The following P2RX5 variants were observed in gnomAD, a reference collection of about 807,000 sequenced individuals.
P2RX5 encodes P2X purinoceptor 5.
A neutral mutation model predicts 54.1 loss-of-function variants in P2RX5; 46 were observed. The observed-to-expected ratio is 0.85, with a 90% CI of 0.67 to 1.09. The LOEUF (loss-of-function observed/expected upper bound fraction) is 1.09, where lower values mean the gene tolerates loss of function less well. Ranked by LOEUF, P2RX5 falls within the 50% of genes least tolerant of loss-of-function variation. The pLI, the probability that P2RX5 is intolerant of heterozygous loss-of-function variation, is 0.00. For missense variants in P2RX5, 566 were observed against 549.8 expected, an observed-to-expected ratio of 1.03 and a Z score of -0.29; for synonymous variants, 226 against 226.4, an observed-to-expected ratio of 1.00 and a Z score of 0.02.
the P2RX5 span, chr17:3,714,688 A>G: frequency 6.0e-6 from 3 of 503,578 alleles, no homozygotes; most frequent in African/African-American, 5.9e-5. Context: ...TTTTTGCACA[A>G]TGCACAGACA....
chr17:3,681,113 C>T (rs1442650267), intron 10 of P2RX5, among the ~76,000 whole-genome samples: 2 of 152,064 alleles, frequency 1.3e-5, no homozygotes, highest in Non-Finnish European at 2.9e-5. Flanking sequence ...CCTTCAGCAG[C>T]ACAGTCAGGA....
the P2RX5 span, among the ~76,000 whole-genome samples, chr17:3,704,446 C>T: frequency 0.033 from 5,048 of 152,276 alleles, 123 homozygotes; most frequent in Non-Finnish European, 0.045. Flanking sequence ...CCTTCCATGA[C>T]GGACATATCC....
At chr17:3,682,200 G>C in intron 9 of P2RX5, 3 of 587,658 alleles carry the variant, frequency 5.1e-6, no homozygotes, top group Non-Finnish European at 3.1e-6. Context: ...CGATCCCACA[G>C]GCCAGGCACT....
the P2RX5 span, among the ~76,000 whole-genome samples, chr17:3,706,747 G>A: frequency 6.6e-6 from 1 of 152,192 alleles, no homozygotes; most frequent in African/African-American, 2.4e-5. Flanking sequence ...AAGTAGCTGG[G>A]ACTACAGGTG....
chr17:3,699,947 A>G (rs2050807216), upstream of P2RX5, among the ~76,000 whole-genome samples: 1 of 134,982 alleles, frequency 7.4e-6, no homozygotes, highest in Non-Finnish European at 1.7e-5. Flanking sequence ...AGAAAGAAAG[A>G]AAGAAAGAAA....
At chr17:3,682,201 G>A (rs916219177) in intron 9 of P2RX5, 2 of 586,140 alleles carry the variant, frequency 3.4e-6, no homozygotes, top group African/African-American at 1.9e-5. Context: ...GATCCCACAG[G>A]CCAGGCACTC....
chr17:3,684,716 A>G (rs1193063684), intron 9 of P2RX5, among the ~76,000 whole-genome samples: 3 of 152,178 alleles, frequency 2.0e-5, no homozygotes, highest in African/African-American at 7.2e-5. Context: ...CCCTCTGTGC[A>G]TTGTGGAATG....
At chr17:3,678,095 A>T (rs2050145331) in intron 11 of P2RX5, 2 of 985,322 alleles carry the variant, frequency 2.0e-6, no homozygotes, top group African/African-American at 1.7e-5. Context: ...CACTGTCTGC[A>T]GCTGCTCCAA....
At chr17:3,701,708 A>AAAATT in the P2RX5 span, among the ~76,000 whole-genome samples, 3 of 144,996 alleles carry the variant, frequency 2.1e-5, no homozygotes, top group Non-Finnish European at 4.6e-5. Context: ...AAAAAAAAAA[A>AAAATT]AAAAAAAAAA....
chr17:3,676,353 G>A lies in P2RX5; in HGVS notation c.1260-2476C>T, dbSNP rs1446074324. On this transcript the variant is annotated intron_variant, in intron 11 of 11. Coordinates refer to ENST00000225328, the MANE Select transcript of P2RX5 (RefSeq NM_002561.4). ...TGAGTGAATGTGTAAGAAACCACAC[G>A]AGTTTTCGGCAAAATCAGGGAGCCT... is the stretch of plus-strand genomic sequence containing the variant. 1.0e-5 allele frequency: 10 copies of A among 985,314 alleles called. No homozygotes were observed. In the South Asian group the frequency reaches 1.4e-4, roughly 14 times the overall value. 61.0% of individuals were successfully genotyped at this position (985,314 alleles called of 1,614,324 possible).
At chr17:3,721,437 A>C in the P2RX5 span, among the ~76,000 whole-genome samples, 1 of 150,156 alleles carries the variant, frequency 6.7e-6, no homozygotes, top group Non-Finnish European at 1.5e-5. Flanking sequence ...ATGCGTGGCT[A>C]ATTTATGTAT....
At chr17:3,693,565 G>A (rs545442852) in intron 1 of P2RX5, among the ~76,000 whole-genome samples, 113 of 152,094 alleles carry the variant, frequency 7.4e-4, no homozygotes, top group Non-Finnish European at 8.8e-5. Flanking sequence ...GTGAAACTCC[G>A]TGTCTACTAA....
At chr17:3,681,399 G>A (rs1597702905) in intron 10 of P2RX5, among the ~76,000 whole-genome samples, 1 of 151,822 alleles carries the variant, frequency 6.6e-6, no homozygotes, top group East Asian at 1.9e-4. Flanking sequence ...CACCCACGCT[G>A]TGCTCTGCCG....
chr17:3,711,761 C>A, the P2RX5 span, among the ~76,000 whole-genome samples: 2 of 152,150 alleles, frequency 1.3e-5, no homozygotes, highest in African/African-American at 4.8e-5. Context: ...GTGGCACGAT[C>A]TCGTCTCACT....
At chr17:3,701,779 A>C in the P2RX5 span, among the ~76,000 whole-genome samples, 3 of 141,436 alleles carry the variant, frequency 2.1e-5, no homozygotes. Flanking sequence ...TTTTTAAGAC[A>C]GAGTCTTGCT....
At chr17:3,699,812 A>AAGAG (rs149273715), upstream of P2RX5, among the ~76,000 whole-genome samples, 26,874 of 130,022 alleles carry the variant, frequency 0.21, 4,203 homozygotes, top group South Asian at 0.5. Context: ...CTAAGAAAGA[A>AAGAG]AGAAAGAGAG....
Position 3,677,334 on chromosome 17 carries a change from C to T in P2RX5, c.1259+2256G>A, listed in dbSNP as rs1183473239. The T allele has an allele frequency of 4.1e-6, 4 of 975,812 alleles. No individual in the cohort carries two copies. In the East Asian group the frequency reaches 3.6e-4, roughly 87 times the overall value. The allele number at this position is 975,812 out of a possible 1,614,324, so 60.4% of individuals were successfully genotyped here. On this transcript the variant is annotated intron_variant, in intron 11 of 11. Coordinates refer to ENST00000225328, the MANE Select transcript of P2RX5 (RefSeq NM_002561.4). ...CTCCCATCTGGGCAGGTCCATATTC[C>T]CCGGGCGTCCCGAGGCTGGTGGAGT...
chr17:3,712,739 G>A, the P2RX5 span, among the ~76,000 whole-genome samples: 38 of 152,288 alleles, frequency 2.5e-4, no homozygotes, highest in African/African-American at 8.2e-4. Context: ...CTGAGGTCAG[G>A]AGTTCGAGAC....
intron 10 of P2RX5, among the ~76,000 whole-genome samples, chr17:3,680,137 TCCACCC>T (rs2050209828): frequency 7.8e-6 from 1 of 127,842 alleles, no homozygotes. Context: ...CCCTGCATCC[TCCACCC>T]TGAGTCCTCC....
Sources: gnomAD v4.1 joint callset for allele counts (sites outside exome capture counted in the v4.1 genomes callset) on GRCh38, gnomAD v4.1.1 for gene constraint, MANE v1.5 for transcripts, NCBI Gene and HGNC (gene_info 2026-07-23, HGNC 2026-07-21) for gene names.